The following CCDC39 variants were observed in gnomAD, a reference collection of about 807,000 sequenced individuals.
The protein encoded by CCDC39 is coiled-coil domain-containing protein 39.
In CCDC39, 113 loss-of-function variants were observed where a neutral mutation model predicts 121.0. That is an observed-to-expected ratio of 0.93 (90% CI 0.80 to 1.09). CCDC39 has a LOEUF of 1.09. Among genes scored for constraint, CCDC39 ranks in the 50% least tolerant of loss-of-function variants. CCDC39 has a pLI of 0.00. For missense variants in CCDC39, 1,063 were observed against 1,074.7 expected (o/e 0.99, Z 0.15); for synonymous variants, 349 against 352.2 (o/e 0.99, Z 0.10).
intron 11 of CCDC39, among the ~76,000 whole-genome samples, chr3:180,646,752 T>C (rs542991696): frequency 6.6e-6 from 1 of 152,214 alleles, no homozygotes; most frequent in Non-Finnish European, 1.5e-5. Context: ...AGGGGTCAAA[T>C]CCTAGCTCTC....
At chr3:180,647,828 CCTAA>C (rs971424201) in intron 10 of CCDC39, among the ~76,000 whole-genome samples, 2 of 151,312 alleles carry the variant, frequency 1.3e-5, no homozygotes, top group Non-Finnish European at 1.5e-5. Flanking sequence ...GGTGGGGGTG[CCTAA>C]CTAAGAATCA....
chr3:180,644,276 G>T lies in CCDC39; in HGVS notation c.1528-19C>A, dbSNP rs1718023841. Reference sequence around the variant, plus strand: ...GATCATTCTGCAAAAAAGAAAAAAGGTATATAAATGTATGTTTTAAATATT... The same window carrying T: ...GATCATTCTGCAAAAAAGAAAAAAGTTATATAAATGTATGTTTTAAATATT... On this transcript the variant is annotated intron_variant, in intron 11 of 19. Coordinates refer to ENST00000476379, the MANE Select transcript of CCDC39 (RefSeq NM_181426.2). 3 of 1,418,994 alleles carry T rather than the reference G, an allele frequency of 2.1e-6. No homozygotes were observed. Among genetic ancestry groups the T allele is most frequent in the Admixed American group, 4.9e-5 (2 of 40,772 alleles). The allele number at this position is 1,418,994 out of a possible 1,614,324, so 87.9% of individuals were successfully genotyped here. A position where few individuals can be genotyped will look rare whatever the true frequency, so the allele number is the denominator to read the frequency against.
chr3:180,631,559 C>G lies in CCDC39; in HGVS notation c.1908G>C (p.Glu636Asp), dbSNP rs770356376. Residue 636 changes from glutamate to aspartate, a missense_variant, in exon 14 of 20, where the codon GAG becomes GAC. Coordinates refer to ENST00000476379, the MANE Select transcript of CCDC39 (RefSeq NM_181426.2). Reference protein sequence around the residue: ...TEFRERLSKIEKLKNRYEILT... With the variant: ...TEFRERLSKIDKLKNRYEILT... ...GAATTTCATATCTATTCTTCAGCTTCTCAATTTTACTTAGCCGCTCGCGAA... is the reference window on the plus strand; with the variant it reads ...GAATTTCATATCTATTCTTCAGCTTGTCAATTTTACTTAGCCGCTCGCGAA... The G allele has an allele frequency of 6.2e-7, 1 of 1,609,040 alleles. No homozygotes were observed. Among genetic ancestry groups the G allele is most frequent in the African/African-American group, 1.3e-5 (1 of 75,030 alleles).
At chr3:180,635,240 C>G (rs908456304) in intron 13 of CCDC39, among the ~76,000 whole-genome samples, 3 of 152,170 alleles carry the variant, frequency 2.0e-5, no homozygotes, top group African/African-American at 7.2e-5. Flanking sequence ...CCAGGTCCCT[C>G]CCTCGACATG....
chr3:180,668,376 C>T (rs1711945333), intron 1 of CCDC39, among the ~76,000 whole-genome samples: 1 of 152,052 alleles, frequency 6.6e-6, no homozygotes, highest in South Asian at 2.1e-4. Flanking sequence ...GAGACCCTGT[C>T]TCAAAAAAAC....
Position 180,614,713 on chromosome 3 carries a change from C to T in CCDC39, c.*208G>A. On this transcript the variant is annotated 3_prime_UTR_variant, in exon 20 of 20. Transcript: ENST00000476379. ...TTTCCTATGCTTGTATAACATGTAG[C>T]CTTGTCAAGAATCTGCTATTAATTT... 1 of 478,956 alleles carries T rather than the reference C, an allele frequency of 2.1e-6. No individual in the cohort carries two copies. The highest frequency in any genetic ancestry group is 3.6e-5 in the East Asian group (1 of 27,408). 29.7% of individuals were successfully genotyped at this position (478,956 alleles called of 1,614,324 possible).
At chr3:180,678,757 C>G (rs1712306733) in intron 1 of CCDC39, among the ~76,000 whole-genome samples, 1 of 152,064 alleles carries the variant, frequency 6.6e-6, no homozygotes, top group Non-Finnish European at 1.5e-5. Context: ...TCAATCTTCT[C>G]TTTGAAAAAC....
chr3:180,628,305 G>C (rs927929472), intron 14 of CCDC39, among the ~76,000 whole-genome samples: 2 of 152,084 alleles, frequency 1.3e-5, no homozygotes, highest in African/African-American at 2.4e-5. Flanking sequence ...CCGCCTCCTG[G>C]GTTCATGCCA....
intron 7 of CCDC39, among the ~76,000 whole-genome samples, chr3:180,652,476 T>C (rs926203418): frequency 3.3e-5 from 5 of 152,104 alleles, no homozygotes; most frequent in African/African-American, 4.8e-5. Flanking sequence ...TCCTAGCAAA[T>C]TATAGAGAAC....
chr3:180,621,679 G>A (rs184785762), intron 14 of CCDC39, among the ~76,000 whole-genome samples: 292 of 152,030 alleles, frequency 1.9e-3, no homozygotes, highest in Non-Finnish European at 3.8e-3. Flanking sequence ...TTGTCACACA[G>A]GTAATAAGCA....
chr3:180,652,438 T>C lies in CCDC39; in HGVS notation c.931-172A>G, dbSNP rs555099033. 3.3e-5 allele frequency among the ~76,000 whole-genome samples: 5 copies of C among 152,206 alleles called. No homozygotes were observed. In the South Asian group the frequency reaches 8.3e-4, roughly 25 times the overall value. ...AACAGATTTCCATATTGATCTGCTA[T>C]CAAATTTTAATTGGCTTTGTTGTAT... On this transcript the variant is annotated intron_variant, in intron 7 of 19. Transcript: ENST00000476379.
At chr3:180,616,990 A>AT (rs1176012776) in intron 16 of CCDC39, 24 bp from the exon 17 acceptor site, 20 of 1,179,386 alleles carry the variant, frequency 1.7e-5, no homozygotes, top group Admixed American at 6.3e-5. Flanking sequence ...ATTAACATGT[A>AT]TTTTTTAGAA....
intron 6 of CCDC39, 60 bp downstream of exon 6, chr3:180,659,392 A>G (rs543749938): frequency 1.9e-6 from 3 of 1,578,496 alleles, no homozygotes; most frequent in African/African-American, 1.4e-5. Context: ...TGGAATAATG[A>G]GTTAAATACA....
intron 4 of CCDC39, among the ~76,000 whole-genome samples, 168 bp downstream of exon 4, chr3:180,660,402 A>AT (rs1199987332): frequency 6.6e-6 from 1 of 152,040 alleles, no homozygotes; most frequent in Non-Finnish European, 1.5e-5. Flanking sequence ...GAATATAGTC[A>AT]TTTTTTCTAC....
chr3:180,659,216 C>T (rs1711675471), intron 6 of CCDC39, among the ~76,000 whole-genome samples: 1 of 152,160 alleles, frequency 6.6e-6, no homozygotes, highest in Non-Finnish European at 1.5e-5. Context: ...CTTTCTTGTT[C>T]CGCAATTCTG....
chr3:180,654,489 A>G (rs1034721030), intron 7 of CCDC39, among the ~76,000 whole-genome samples: 7 of 151,816 alleles, frequency 4.6e-5, no homozygotes, highest in African/African-American at 7.2e-5. Flanking sequence ...GGAACCACCA[A>G]CAAAATGAAA....
At chr3:180,651,692 G>A (rs1255502995) in intron 8 of CCDC39, among the ~76,000 whole-genome samples, 159 bp from the exon 9 acceptor site, 1 of 152,090 alleles carries the variant, frequency 6.6e-6, no homozygotes, top group East Asian at 1.9e-4. Flanking sequence ...ATAAAAATAT[G>A]GCTTCTGAGT....
Position 180,615,803 on chromosome 3 carries a change from A to G in CCDC39, c.2669+478T>C, listed in dbSNP as rs187565983. ...GAATTCTGGGTAACAACTGCAGAAG[A>G]AAAAAAAAGGGGTTTCCTTTTTAGC... On this transcript the variant is annotated intron_variant, in intron 19 of 19. Coordinates refer to ENST00000476379, the MANE Select transcript of CCDC39 (RefSeq NM_181426.2). 4.7e-3 allele frequency among the ~76,000 whole-genome samples: 646 copies of G among 137,970 alleles called. 6 individuals are homozygous for G. The highest frequency in any genetic ancestry group is 0.013 in the South Asian group (58 of 4,554). The allele number at this position is 137,970 out of a possible 152,430, so 90.5% of individuals were successfully genotyped here.
Position 180,622,232 on chromosome 3 carries a change from A to G in CCDC39, c.1999-2262T>C, listed in dbSNP as rs139801994. On this transcript the variant is annotated intron_variant, in intron 14 of 19. Transcript: ENST00000476379. The stretch of plus-strand genomic sequence containing the variant: ...CTCAGCTATATCATTATTAGTGTTT[A>G]GAAATGCTATGGATTTTTGTACCTT... Among the ~76,000 whole-genome samples the G allele has an allele frequency of 3.3e-3, 509 of 152,234 alleles. 3 individuals carry two copies. The highest frequency in any genetic ancestry group is 7.3e-3 in the Admixed American group (112 of 15,282).
Sources: allele counts gnomAD v4.1 joint callset (sites outside exome capture counted in the v4.1 genomes callset), GRCh38; gene constraint gnomAD v4.1.1; transcripts MANE v1.5; gene names NCBI Gene and HGNC (gene_info 2026-07-23, HGNC 2026-07-21).